Variants in QTMAN observed in about 807,000 individuals in gnomAD.
QTMAN encodes the protein queuosine-tRNA mannosyltransferase, also known as tRNA-queuosine alpha-mannosyltransferase.
At chr2:144,287,017 C>G in the QTMAN span, among the ~76,000 whole-genome samples, 3 of 152,180 alleles carry the variant, frequency 2.0e-5, no homozygotes, top group African/African-American at 7.2e-5. Flanking sequence ...ATGAAGCCAA[C>G]TTAAATGCAA....
chr2:144,050,468 G>C, the QTMAN span, among the ~76,000 whole-genome samples: 3 of 152,234 alleles, frequency 2.0e-5, no homozygotes, highest in African/African-American at 4.8e-5. Flanking sequence ...CTACTTGGTG[G>C]GGCTGGTGTA....
chr2:144,078,265 GA>G, the QTMAN span, among the ~76,000 whole-genome samples: 1 of 152,184 alleles, frequency 6.6e-6, no homozygotes, highest in Admixed American at 6.5e-5. Flanking sequence ...TATGATAGCA[GA>G]ATGTGAAGTA....
chr2:144,330,386 C>G, the QTMAN span, among the ~76,000 whole-genome samples: 1 of 152,096 alleles, frequency 6.6e-6, no homozygotes, highest in Non-Finnish European at 1.5e-5. Flanking sequence ...ATGATGCTCC[C>G]ACAAGTACAC....
chr2:144,101,608 T>G, the QTMAN span, among the ~76,000 whole-genome samples: 1 of 152,140 alleles, frequency 6.6e-6, no homozygotes, highest in Non-Finnish European at 1.5e-5. Context: ...ATACAGCTAT[T>G]CTGCCTCCCC....
chr2:143,979,915 A>C, the QTMAN span, among the ~76,000 whole-genome samples: 137 of 152,214 alleles, frequency 9.0e-4, no homozygotes, highest in South Asian at 4.8e-3. Context: ...TAATAAATAT[A>C]GCCATTCCAA....
At chr2:143,959,530 C>T in the QTMAN span, among the ~76,000 whole-genome samples, 1 of 152,016 alleles carries the variant, frequency 6.6e-6, no homozygotes, top group Non-Finnish European at 1.5e-5. Flanking sequence ...ATATGAAGCA[C>T]CTAGCACAAT....
chr2:144,283,583 G>A, the QTMAN span, among the ~76,000 whole-genome samples: 1 of 151,860 alleles, frequency 6.6e-6, no homozygotes, highest in Non-Finnish European at 1.5e-5. Flanking sequence ...ACCTGAATAA[G>A]GCCTAGTAAA....
the QTMAN span, among the ~76,000 whole-genome samples, chr2:144,264,033 A>T: frequency 6.6e-6 from 1 of 152,162 alleles, no homozygotes; most frequent in African/African-American, 2.4e-5. Flanking sequence ...TCTAAAACAA[A>T]TGAGGGATAA....
the QTMAN span, among the ~76,000 whole-genome samples, chr2:144,087,001 T>C: frequency 6.6e-6 from 1 of 152,162 alleles, no homozygotes; most frequent in Non-Finnish European, 1.5e-5. Flanking sequence ...TGAGATCCTA[T>C]CATTTAAATC....
chr2:144,214,234 G>C, the QTMAN span, among the ~76,000 whole-genome samples: 2 of 152,004 alleles, frequency 1.3e-5, no homozygotes, highest in African/African-American at 4.8e-5. Flanking sequence ...AAAGAGACAA[G>C]ATAAATATAT....
chr2:144,156,661 C>T, the QTMAN span, among the ~76,000 whole-genome samples: 4 of 151,930 alleles, frequency 2.6e-5, no homozygotes, highest in African/African-American at 4.8e-5. Context: ...CTGTACACAG[C>T]TAAATTTAAC....
At chr2:144,056,145 T>C in the QTMAN span, among the ~76,000 whole-genome samples, 2 of 152,356 alleles carry the variant, frequency 1.3e-5, no homozygotes, top group Non-Finnish European at 2.9e-5. Context: ...AGCTTTATGA[T>C]GTCATATTTA....
At chr2:144,210,523 C>G in the QTMAN span, among the ~76,000 whole-genome samples, 7 of 152,094 alleles carry the variant, frequency 4.6e-5, no homozygotes, top group Admixed American at 1.3e-4. Flanking sequence ...TTTACCCATT[C>G]CTTGTCAGTA....
the QTMAN span, among the ~76,000 whole-genome samples, chr2:143,966,493 C>T: frequency 2.6e-5 from 4 of 152,112 alleles, no homozygotes; most frequent in East Asian, 3.8e-4. Flanking sequence ...GAACAAAGAA[C>T]GTATTTTAAA....
chr2:144,108,652 A>C, the QTMAN span, among the ~76,000 whole-genome samples: 1 of 151,678 alleles, frequency 6.6e-6, no homozygotes, highest in South Asian at 2.1e-4. Context: ...AAAAAAAAAA[A>C]AAAGAAAACC....
the QTMAN span, among the ~76,000 whole-genome samples, chr2:143,998,509 TAA>T: frequency 3.6e-5 from 5 of 137,526 alleles, no homozygotes; most frequent in Admixed American, 7.3e-5. Context: ...ACTGACCGAG[TAA>T]AAAAAAAAAA....
chr2:144,155,553 A>G, the QTMAN span, among the ~76,000 whole-genome samples: 15 of 152,292 alleles, frequency 9.8e-5, no homozygotes, highest in East Asian at 5.8e-4. Context: ...CATGCCACTC[A>G]TGAGTCTCTG....
At chr2:144,260,337 G>T in the QTMAN span, among the ~76,000 whole-genome samples, 1 of 151,928 alleles carries the variant, frequency 6.6e-6, no homozygotes, top group Non-Finnish European at 1.5e-5. Context: ...ATGTGTGTGG[G>T]TATTTGTGGG....
the QTMAN span, among the ~76,000 whole-genome samples, chr2:144,255,097 G>A: frequency 1.3e-5 from 2 of 152,180 alleles, no homozygotes; most frequent in African/African-American, 4.8e-5. Context: ...CTGAGTTAAT[G>A]ATGGAATGAG....
Sources: allele counts gnomAD v4.1 joint callset (sites outside exome capture counted in the v4.1 genomes callset), GRCh38; gene constraint gnomAD v4.1.1; transcripts MANE v1.5; gene names NCBI Gene and HGNC (gene_info 2026-07-23, HGNC 2026-07-21).